The following SMCHD1 variants were observed in gnomAD, a reference collection of about 807,000 sequenced individuals.
The protein encoded by SMCHD1 is structural maintenance of chromosomes flexible hinge domain containing 1.
In SMCHD1, 78 loss-of-function variants were observed where a neutral mutation model predicts 254.7. The ratio of observed to expected loss-of-function variants is 0.31; its 90% CI spans 0.26 to 0.37. SMCHD1 has a LOEUF of 0.37. Ranked by LOEUF, SMCHD1 falls within the 10% of genes least tolerant of loss-of-function variation. The probability of loss-of-function intolerance (pLI) is 1.00; values close to 1 mark genes in which losing one functional copy is unlikely to be tolerated. For missense variants in SMCHD1, 1,840 were observed against 2,408.1 expected (o/e 0.76, Z 4.94); for synonymous variants, 766 against 794.9 (o/e 0.96, Z 0.61).
At chr18:2,790,053 G>A (rs559568928) in intron 45 of SMCHD1, among the ~76,000 whole-genome samples, 5 of 152,128 alleles carry the variant, frequency 3.3e-5, no homozygotes, top group Non-Finnish European at 5.9e-5. Context: ...CATGGTGGAC[G>A]TGCCTGTAGT....
chr18:2,710,751 GT>G (rs1344032179), intron 17 of SMCHD1, among the ~76,000 whole-genome samples: 2 of 151,902 alleles, frequency 1.3e-5, no homozygotes, highest in African/African-American at 2.4e-5. Context: ...TGTTCCTGAT[GT>G]TAGAGGAAAA....
In SMCHD1 at chr18:2,694,712, C is replaced by A. The variant is rs753944138; in HGVS notation, c.1040+19C>A. The A allele has an allele frequency of 2.5e-6, 4 of 1,602,296 alleles. No individual in the cohort carries two copies. In the African/African-American group the frequency reaches 4.0e-5, roughly 16 times the overall value. On this transcript the variant is annotated intron_variant, in intron 8 of 47. Coordinates refer to ENST00000320876, the MANE Select transcript of SMCHD1 (RefSeq NM_015295.3). ...AGTTAGCGTAAGTAATTATATTTGG[C>A]TTAGGAAATGTTGCTACTTAACTTT...
At chr18:2,769,852 C>T (rs373535509) in intron 38 of SMCHD1, 32 bp downstream of exon 38, 111 of 1,581,076 alleles carry the variant, frequency 7.0e-5, no homozygotes, top group African/African-American at 3.8e-4. Flanking sequence ...GGTTAAACTC[C>T]GTTGTTAGTG....
chr18:2,700,935 T>C lies in SMCHD1; in HGVS notation c.1647+17T>C. ...AATGGACAGGTATGATTTTTAAATA[T>C]AAAGTTGTGAATATTTGCAAATGTT... On this transcript the variant is annotated intron_variant, in intron 12 of 47. Coordinates refer to ENST00000320876, the MANE Select transcript of SMCHD1 (RefSeq NM_015295.3). 3 of 1,512,142 alleles carry C rather than the reference T, an allele frequency of 2.0e-6. No individual in the cohort carries two copies. Among genetic ancestry groups the C allele is most frequent in the South Asian group, 2.5e-5 (2 of 81,132 alleles). 93.7% of individuals were successfully genotyped at this position (1,512,142 alleles called of 1,614,324 possible). A position where few individuals can be genotyped will look rare whatever the true frequency, so the allele number is the denominator to read the frequency against.
Position 2,666,866 on chromosome 18 carries a change from A to G in SMCHD1, c.263-4A>G, listed in dbSNP as rs1187834380. 1 of 1,606,328 alleles carries G rather than the reference A, an allele frequency of 6.2e-7. No homozygotes were observed. The highest frequency in any genetic ancestry group is 8.5e-7 in the Non-Finnish European group (1 of 1,175,470). On this transcript the variant is annotated splice_region_variant and splice_polypyrimidine_tract_variant and intron_variant, in intron 2 of 47. Coordinates refer to ENST00000320876, the MANE Select transcript of SMCHD1 (RefSeq NM_015295.3). ...GCACTTATGATTTTCACTCTTGATT[A>G]CAGATGAAACTGTTAAAGATGGAGT... is the stretch of plus-strand genomic sequence containing the variant.
At chr18:2,773,270 T>C (rs1211537435) in intron 41 of SMCHD1, among the ~76,000 whole-genome samples, 1 of 152,200 alleles carries the variant, frequency 6.6e-6, no homozygotes, top group Non-Finnish European at 1.5e-5. Flanking sequence ...TGTTTTAAAA[T>C]ATTATTCCAA....
intron 10 of SMCHD1, among the ~76,000 whole-genome samples, chr18:2,698,975 T>A (rs748021582): frequency 1.3e-5 from 2 of 152,228 alleles, no homozygotes; most frequent in Non-Finnish European, 2.9e-5. Flanking sequence ...CTAGATAATT[T>A]TGGAATCAGC....
rs185347812 is a variant in SMCHD1, at chr18:2,785,815, T to A, written c.5719+1194T>A. On this transcript the variant is annotated intron_variant, in intron 45 of 47. Transcript: ENST00000320876. ...ATACTTCTTTCTGTCTCTCTGAATGTGACTTCTAGATACTTCATATAAGTA... is the reference window on the plus strand; with the variant it reads ...ATACTTCTTTCTGTCTCTCTGAATGAGACTTCTAGATACTTCATATAAGTA... Among the ~76,000 whole-genome samples, 16 of 152,274 alleles carry A rather than the reference T, an allele frequency of 1.1e-4. No individual in the cohort carries two copies. In the East Asian group the frequency reaches 2.5e-3, roughly 24 times the overall value.
chr18:2,775,211 A>C (rs2076048545), intron 41 of SMCHD1, among the ~76,000 whole-genome samples: 1 of 151,268 alleles, frequency 6.6e-6, no homozygotes, highest in African/African-American at 2.4e-5. Context: ...CCTGAGCAGC[A>C]GAAGAAACAA....
intron 1 of SMCHD1, among the ~76,000 whole-genome samples, chr18:2,663,610 C>T (rs527648952): frequency 2.0e-5 from 3 of 152,110 alleles, no homozygotes; most frequent in Non-Finnish European, 2.9e-5. Context: ...ATAGTTTATT[C>T]TTTCCCCACC....
intron 1 of SMCHD1, among the ~76,000 whole-genome samples, chr18:2,659,291 T>A (rs2073174216): frequency 6.6e-6 from 1 of 152,190 alleles, no homozygotes; most frequent in South Asian, 2.1e-4. Context: ...CTAATTTTAA[T>A]ACTTTTAGTA....
intron 10 of SMCHD1, among the ~76,000 whole-genome samples, chr18:2,698,836 C>T (rs115630352): frequency 0.012 from 1,336 of 113,326 alleles, 21 homozygotes; most frequent in African/African-American, 0.034. Flanking sequence ...AGATTCTTTA[C>T]TATAAAGTAC....
chr18:2,774,120 T>C (rs1382232127), intron 41 of SMCHD1, among the ~76,000 whole-genome samples: 1 of 151,590 alleles, frequency 6.6e-6, no homozygotes, highest in African/African-American at 2.4e-5. Flanking sequence ...TAGTAGCAGT[T>C]TTAAGATTTT....
chr18:2,719,968 C>T (rs1044946679), intron 19 of SMCHD1, among the ~76,000 whole-genome samples: 8 of 150,582 alleles, frequency 5.3e-5, no homozygotes, highest in Non-Finnish European at 7.4e-5. Context: ...AGCCACCGCA[C>T]GTGGCCCTGT....
At chr18:2,738,179 TA>T in intron 25 of SMCHD1, among the ~76,000 whole-genome samples, 1 of 152,198 alleles carries the variant, frequency 6.6e-6, no homozygotes, top group Non-Finnish European at 1.5e-5. Flanking sequence ...ATTTTTATTT[TA>T]TCTCACTAAA....
At chr18:2,698,166 A>G in intron 10 of SMCHD1, 125 bp downstream of exon 10, 1 of 674,552 alleles carries the variant, frequency 1.5e-6, no homozygotes, top group Non-Finnish European at 2.4e-6. Context: ...TTCTTATGCA[A>G]GTCTTAGATT....
In SMCHD1 at chr18:2,656,055, T is replaced by G; in HGVS notation, c.-21T>G. The G allele has an allele frequency of 3.7e-6, 5 of 1,341,402 alleles. No homozygotes were observed. Among genetic ancestry groups the G allele is most frequent in the Non-Finnish European group, 3.8e-6 (4 of 1,041,146 alleles). The allele number at this position is 1,341,402 out of a possible 1,614,324, so 83.1% of individuals were successfully genotyped here. ...AGCCCGGCGGCGGCAGGCGTCGCTG[T>G]CTTTTCTCCTTTTCCCCAATATGGC... On this transcript the variant is annotated 5_prime_UTR_variant, in exon 1 of 48. Transcript: ENST00000320876.
chr18:2,706,375 A>T lies in SMCHD1; in HGVS notation c.1968A>T (p.Ala656=). 2 of 1,574,428 alleles carry T rather than the reference A, an allele frequency of 1.3e-6. No individual in the cohort carries two copies. The highest frequency in any genetic ancestry group is 1.7e-6 in the Non-Finnish European group (2 of 1,158,856). Residue 656 remains alanine, a synonymous_variant, in exon 15 of 48, where the codon GCA becomes GCT. Transcript: ENST00000320876. The part of the protein sequence containing the change: ...GEVQIAMEPQ[A]LYDEVRTVPI... ...ATGTATTTATTCAGGAACCTCAGGC[A>T]CTATATGATGAAGTAAGAACTGTGC...
At chr18:2,769,862 G>A in intron 38 of SMCHD1, 42 bp downstream of exon 38, 2 of 1,571,716 alleles carry the variant, frequency 1.3e-6, no homozygotes, top group Middle Eastern at 1.7e-4. Context: ...CGTTGTTAGT[G>A]ATACTTTAGA....
Sources: allele counts gnomAD v4.1 joint callset (sites outside exome capture counted in the v4.1 genomes callset), GRCh38; gene constraint gnomAD v4.1.1; transcripts MANE v1.5; gene names NCBI Gene and HGNC (gene_info 2026-07-23, HGNC 2026-07-21).